The following ARHGEF28 variants were observed in gnomAD, a reference collection of about 807,000 sequenced individuals.
The protein encoded by ARHGEF28 is 190 kDa guanine nucleotide exchange factor.
In ARHGEF28, 152 loss-of-function variants were observed where a neutral mutation model predicts 206.6. That is an observed-to-expected ratio of 0.74 (90% CI 0.64 to 0.84). The LOEUF is 0.84. Among genes scored for constraint, ARHGEF28 ranks in the 40% least tolerant of loss-of-function variants. ARHGEF28 has a pLI of 0.00. For synonymous variants in ARHGEF28, 763 were observed against 776.4 expected (o/e 0.98, Z 0.29); for missense variants, 2,028 against 2,073.2 (o/e 0.98, Z 0.42).
intron 1 of ARHGEF28, among the ~76,000 whole-genome samples, chr5:73,643,854 T>A (rs1744269027): frequency 6.6e-6 from 1 of 151,930 alleles, no homozygotes; most frequent in South Asian, 2.1e-4. Flanking sequence ...CCTTTTCTGG[T>A]CACGATTACC....
chr5:73,748,567 G>A (rs1027755020), intron 2 of ARHGEF28, among the ~76,000 whole-genome samples: 1 of 152,202 alleles, frequency 6.6e-6, no homozygotes, highest in Middle Eastern at 3.2e-3. Context: ...GCTAATATTT[G>A]TCAGAGGCAA....
chr5:73,934,502 C>T (rs1162609139), intron 35 of ARHGEF28, among the ~76,000 whole-genome samples: 2 of 152,172 alleles, frequency 1.3e-5, no homozygotes, highest in African/African-American at 2.4e-5. Flanking sequence ...ATAGATGTTA[C>T]ATGCAGAATT....
At chr5:73,837,745 GTTTT>G (rs565925682) in intron 10 of ARHGEF28, among the ~76,000 whole-genome samples, 3,853 of 132,622 alleles carry the variant, frequency 0.029, 168 homozygotes, top group African/African-American at 0.096. Flanking sequence ...CTTTCGTTTT[GTTTT>G]TTTTTTTTTT....
chr5:73,764,451 T>A (rs1331953861), intron 4 of ARHGEF28, among the ~76,000 whole-genome samples: 1 of 152,242 alleles, frequency 6.6e-6, no homozygotes, highest in African/African-American at 2.4e-5. Flanking sequence ...AAAGTATATC[T>A]TGCCAATATG....
intron 1 of ARHGEF28, among the ~76,000 whole-genome samples, chr5:73,635,531 C>A (rs1743653356): frequency 6.6e-6 from 1 of 152,072 alleles, no homozygotes; most frequent in East Asian, 1.9e-4. Context: ...GTGATGATTT[C>A]TTTAGGTAGT....
chr5:73,649,691 T>C (rs1047276400), intron 1 of ARHGEF28, among the ~76,000 whole-genome samples: 8 of 152,232 alleles, frequency 5.3e-5, no homozygotes, highest in African/African-American at 1.9e-4. Flanking sequence ...TTGCCACTTG[T>C]TACCAGTGGG....
At chr5:73,653,281 T>C (rs1744948032) in intron 1 of ARHGEF28, among the ~76,000 whole-genome samples, 1 of 152,204 alleles carries the variant, frequency 6.6e-6, no homozygotes, top group South Asian at 2.1e-4. Flanking sequence ...AGGTTACATA[T>C]ACAAAATTAA....
intron 2 of ARHGEF28, among the ~76,000 whole-genome samples, chr5:73,693,080 C>A (rs1217667550): frequency 2.0e-5 from 3 of 152,210 alleles, no homozygotes; most frequent in African/African-American, 4.8e-5. Flanking sequence ...GTTAACTCAG[C>A]TGGTTTGACA....
intron 22 of ARHGEF28, among the ~76,000 whole-genome samples, chr5:73,879,832 C>T (rs1006454974): frequency 6.6e-6 from 1 of 152,110 alleles, no homozygotes; most frequent in Admixed American, 6.5e-5. Flanking sequence ...TCAGTCTGCC[C>T]CTACTGGGGG....
chr5:73,849,228 C>A (rs1758557579), intron 13 of ARHGEF28, 141 bp downstream of exon 13: 1 of 631,964 alleles, frequency 1.6e-6, no homozygotes, highest in Non-Finnish European at 2.6e-6. Flanking sequence ...CTAAGCCTGA[C>A]AAAATTCTTT....
intron 2 of ARHGEF28, among the ~76,000 whole-genome samples, chr5:73,707,950 A>G (rs1749032043): frequency 6.6e-6 from 1 of 152,082 alleles, no homozygotes; most frequent in Non-Finnish European, 1.5e-5. Context: ...TCATTCTAGT[A>G]TTCACTCTTT....
chr5:73,710,863 C>T (rs1388020062), intron 2 of ARHGEF28, among the ~76,000 whole-genome samples: 1 of 152,116 alleles, frequency 6.6e-6, no homozygotes, highest in Non-Finnish European at 1.5e-5. Flanking sequence ...CCACCCATGC[C>T]TGGCTACTTT....
intron 3 of ARHGEF28, 46 bp downstream of exon 3, chr5:73,750,030 TA>T (rs1386575935): frequency 6.2e-7 from 1 of 1,604,282 alleles, no homozygotes; most frequent in Non-Finnish European, 8.5e-7. Flanking sequence ...AGTCTGCAAA[TA>T]ACTTCCCTCC....
At position 73,909,693 on chromosome 5, in the gene ARHGEF28, G is replaced by A. The variant is rs1580085834; in HGVS notation, c.4443G>A (p.Ser1481=). ...WLQERERECQ[S]QEELLLRSRG... ...AGGAGCGGGAGCGGGAGTGCCAGTC[G>A]CAGGAGGAGCTGCTGCTGCGGAGCC... is the stretch of plus-strand genomic sequence containing the variant. Residue 1481 remains serine (S), a synonymous_variant, in exon 34 of 36, where the codon TCG becomes TCA. Transcript: ENST00000513042. The A allele has an allele frequency of 1.3e-6, 2 of 1,534,326 alleles. No homozygotes were observed. Among genetic ancestry groups the A allele is most frequent in the African/African-American group, 2.7e-5 (2 of 72,792 alleles).
chr5:73,707,908 A>AT (rs1044354050), intron 2 of ARHGEF28, among the ~76,000 whole-genome samples: 7 of 151,974 alleles, frequency 4.6e-5, no homozygotes, highest in Admixed American at 2.6e-4. Flanking sequence ...GGTATTACTG[A>AT]TTTTTTTTAT....
intron 1 of ARHGEF28, among the ~76,000 whole-genome samples, chr5:73,629,913 A>C (rs1056533288): frequency 6.6e-6 from 1 of 152,222 alleles, no homozygotes; most frequent in Non-Finnish European, 1.5e-5. Flanking sequence ...TGTTCTCTTA[A>C]GAGCAGATGA....
intron 2 of ARHGEF28, 67 bp from the exon 3 acceptor site, chr5:73,749,770 T>C (rs780810562): frequency 5.8e-5 from 92 of 1,572,862 alleles, no homozygotes; most frequent in Non-Finnish European, 7.8e-5. Context: ...CCCAGGTCCT[T>C]TGTATTGTGC....
rs149151513 is a variant in ARHGEF28, at chr5:73,906,530, G to A, written c.4161+2125G>A. 9.6e-3 allele frequency among the ~76,000 whole-genome samples: 1,466 copies of A among 152,258 alleles called. 13 individuals are homozygous for A. The highest frequency in any genetic ancestry group is 0.013 in the Non-Finnish European group (902 of 68,006). On this transcript the variant is annotated intron_variant, in intron 33 of 35. Transcript: ENST00000513042. ...AGTCACTGCACCCAGCCCCACAAGAGCTCTTAAACAAGTTTCTTATCTCTT... is the reference window on the plus strand; with the variant it reads ...AGTCACTGCACCCAGCCCCACAAGAACTCTTAAACAAGTTTCTTATCTCTT...
chr5:73,821,522 A>T (rs1756585818), intron 9 of ARHGEF28, among the ~76,000 whole-genome samples: 1 of 152,092 alleles, frequency 6.6e-6, no homozygotes, highest in Non-Finnish European at 1.5e-5. Context: ...ATTATAGGGG[A>T]TCTGACTTAT....
Sources: allele counts gnomAD v4.1 joint callset (sites outside exome capture counted in the v4.1 genomes callset), GRCh38; gene constraint gnomAD v4.1.1; transcripts MANE v1.5; gene names NCBI Gene and HGNC (gene_info 2026-07-23, HGNC 2026-07-21).